PPP2R5C: variants seen among roughly 807,000 people sequenced by gnomAD.
PPP2R5C encodes serine/threonine-protein phosphatase 2A 56 kDa regulatory subunit gamma isoform.
PPP2R5C carries 7 observed loss-of-function variants against 68.9 expected under a neutral mutation model. The observed-to-expected ratio is 0.10, with a 90% CI of 0.06 to 0.19. The LOEUF is 0.19. Among genes scored for constraint, PPP2R5C ranks in the 10% least tolerant of loss-of-function variants. PPP2R5C has a pLI of 1.00. For missense variants in PPP2R5C, 348 were observed against 641.3 expected, an observed-to-expected ratio of 0.54 and a Z score of 4.94; for synonymous variants, 210 against 222.2, an observed-to-expected ratio of 0.95 and a Z score of 0.49.
At chr14:101,818,582 C>G (rs1299953242) in intron 1 of PPP2R5C, 1 of 160,384 alleles carries the variant, frequency 6.2e-6, no homozygotes, top group Non-Finnish European at 1.4e-5. Context: ...TGCAGTGAGC[C>G]GAGATCACGC....
upstream of PPP2R5C, chr14:101,761,796 C>T (rs2036552004): frequency 1.0e-5 from 9 of 898,910 alleles, no homozygotes; most frequent in Non-Finnish European, 1.1e-5. Context: ...GCGGCGGCGG[C>T]GGCGGCCGCG....
At chr14:101,912,495 T>G (rs1445942921) in intron 12 of PPP2R5C, 22 bp downstream of exon 14, 1 of 1,595,750 alleles carries the variant, frequency 6.3e-7, no homozygotes, top group African/African-American at 1.4e-5. Context: ...GAGAATAACA[T>G]GAAAACGCCC....
chr14:101,871,871 T>C lies in PPP2R5C; in HGVS notation c.295-10290T>C, dbSNP rs75164849. Among the ~76,000 whole-genome samples, 1,079 of 152,324 alleles carry C rather than the reference T, an allele frequency of 7.1e-3. 15 individuals are homozygous for C. The highest frequency in any genetic ancestry group is 0.025 in the African/African-American group (1,045 of 41,574). ...ATAACATACTATTTCATATAGAATA[T>C]AAGACATTTACAACAGTATACTTCT... is the stretch of plus-strand genomic sequence containing the variant. On this transcript the variant is annotated intron_variant, in intron 2 of 13. Coordinates refer to ENST00000334743, the Ensembl canonical transcript of PPP2R5C.
At chr14:101,803,369 G>A (rs1036750111) in intron 3 of PPP2R5C, 1 of 152,322 alleles carries the variant, frequency 6.6e-6, no homozygotes, top group East Asian at 1.9e-4. Context: ...TTCATATGCA[G>A]AATGGAACTA....
rs140594071 is a variant in PPP2R5C at position 101,890,921 on chromosome 14, C to T, written c.689+625C>T. On this transcript the variant is annotated intron_variant, in intron 6 of 13. Coordinates refer to ENST00000334743, the Ensembl canonical transcript of PPP2R5C. Reference sequence around the variant, plus strand: ...CCGAGTAGCTGGGACTACAGGTGCCCGCCACCATGCCTGGCTAATTTTTGT... The same window carrying T: ...CCGAGTAGCTGGGACTACAGGTGCCTGCCACCATGCCTGGCTAATTTTTGT... 6.6e-3 allele frequency among the ~76,000 whole-genome samples: 998 copies of T among 151,762 alleles called. 8 individuals are homozygous for T. The highest frequency in any genetic ancestry group is 0.035 in the East Asian group (179 of 5,154).
Position 101,770,248 on chromosome 14 carries a change from T to C in PPP2R5C, c.93+7278T>C, listed in dbSNP as rs569706193. 2.4e-4 allele frequency among the ~76,000 whole-genome samples: 37 copies of C among 152,350 alleles called. No individual in the cohort carries two copies. In the South Asian group the frequency reaches 7.4e-3, roughly 31 times the overall value. Reference sequence around the variant, plus strand: ...TCAGTAGAGCATAGCTACATATATATTTAATATGTTTTATAAGATAGGGTT... The same window carrying C: ...TCAGTAGAGCATAGCTACATATATACTTAATATGTTTTATAAGATAGGGTT... On this transcript the variant is annotated intron_variant, in intron 2 of 14. Transcript: ENST00000328724.
At chr14:101,788,524 T>C (rs2038224850) in intron 3 of PPP2R5C, among the ~76,000 whole-genome samples, 1 of 152,234 alleles carries the variant, frequency 6.6e-6, no homozygotes, top group South Asian at 2.1e-4. Context: ...ACATCTGTTT[T>C]CTATTCTCAA....
At chr14:101,779,711 G>C (rs2037585085) in intron 2 of PPP2R5C, among the ~76,000 whole-genome samples, 2 of 152,132 alleles carry the variant, frequency 1.3e-5, no homozygotes, top group African/African-American at 4.8e-5. Context: ...CGCAGGCAGT[G>C]GGGAGCCACT....
At chr14:101,848,537 CA>C (rs534732392) in intron 1 of PPP2R5C, among the ~76,000 whole-genome samples, 193 of 136,448 alleles carry the variant, frequency 1.4e-3, no homozygotes, top group East Asian at 4.4e-3. Flanking sequence ...GACTCTGTCT[CA>C]AAAAAAAAAA....
Position 101,906,259 on chromosome 14 carries a change from C to A in PPP2R5C, c.1024-143C>A. ...GCTCTTCAGGGTTACAGGTTACAGT[C>A]TAGAATATTTTGAATTTGTAGAAAT... is the stretch of plus-strand genomic sequence containing the variant. On this transcript the variant is annotated intron_variant, in intron 9 of 13. Transcript: ENST00000334743. The surrounding 1 kb of genome is among the most constrained non-coding windows in gnomAD (Gnocchi z 4.0). 1.1e-6 allele frequency: 1 copy of A among 938,822 alleles called. No homozygotes were observed. Among genetic ancestry groups the A allele is most frequent in the Non-Finnish European group, 1.6e-6 (1 of 637,772 alleles). The allele number at this position is 938,822 out of a possible 1,614,324, so 58.2% of individuals were successfully genotyped here.
At chr14:101,887,455 G>A (rs1001301254) in intron 5 of PPP2R5C, among the ~76,000 whole-genome samples, 3 of 152,238 alleles carry the variant, frequency 2.0e-5, no homozygotes, top group African/African-American at 7.2e-5. Flanking sequence ...AGTGGCTTCT[G>A]TCAGCATGGT....
At chr14:101,884,452 C>T (rs1451170410) in intron 5 of PPP2R5C, among the ~76,000 whole-genome samples, 4 of 152,240 alleles carry the variant, frequency 2.6e-5, no homozygotes, top group Admixed American at 1.3e-4. Flanking sequence ...TGCATCACCT[C>T]ATTCTTCCCG....
intron 2 of PPP2R5C, 125 bp downstream of exon 2, chr14:101,763,095 G>C (rs1251088650): frequency 7.8e-6 from 6 of 772,142 alleles, no homozygotes; most frequent in Non-Finnish European, 1.2e-5. Context: ...TTTTTTTGTG[G>C]TGTCTTTTAT....
In PPP2R5C at chr14:101,814,460, C is replaced by A. The variant is rs183954905; in HGVS notation, c.94+4424C>A. On this transcript the variant is annotated intron_variant, in intron 1 of 13. Transcript: ENST00000334743. ...TGGGTATGTTTGTGTAAAGTCTGTA[C>A]ACCTTTTTGTTCCTTAAACACACAC... Among the ~76,000 whole-genome samples, 10 of 152,286 alleles carry A rather than the reference C, an allele frequency of 6.6e-5. 1 individual carries two copies. Among genetic ancestry groups the A allele is most frequent in the Non-Finnish European group, 1.5e-4 (10 of 68,026 alleles).
chr14:101,788,346 T>TA (rs1295778823), intron 3 of PPP2R5C, among the ~76,000 whole-genome samples: 3 of 152,246 alleles, frequency 2.0e-5, no homozygotes, highest in African/African-American at 7.2e-5. Flanking sequence ...GCTGTGTTGA[T>TA]AGATTTTTCT....
intron 2 of PPP2R5C, among the ~76,000 whole-genome samples, chr14:101,779,295 G>C (rs1301484637): frequency 6.6e-6 from 1 of 152,122 alleles, no homozygotes; most frequent in Non-Finnish European, 1.5e-5. Flanking sequence ...CTCTCAACAA[G>C]CTCAGAATCT....
chr14:101,912,514 T>C (rs749547977), intron 12 of PPP2R5C, 41 bp downstream of exon 14: 1 of 1,566,964 alleles, frequency 6.4e-7, no homozygotes, highest in Admixed American at 2.0e-5. Context: ...CCAGGGTTAC[T>C]TGAATGTTTT....
rs542543145 is a variant in PPP2R5C, at chr14:101,888,427, G to A, written c.630-1810G>A. 7.0e-4 allele frequency among the ~76,000 whole-genome samples: 107 copies of A among 152,086 alleles called. No homozygotes were observed. The highest frequency in any genetic ancestry group is 3.4e-3 in the Middle Eastern group (1 of 294). On this transcript the variant is annotated intron_variant, in intron 5 of 13. Coordinates refer to ENST00000334743, the Ensembl canonical transcript of PPP2R5C. The surrounding 1 kb of genome is among the most constrained non-coding windows in gnomAD (Gnocchi z 5.6). ...TGTTTCTTGTCATGGCACCAGTGTC[G>A]TTCCTGTCACCCACGGCACTGAGCT... is the stretch of plus-strand genomic sequence containing the variant.
intron 2 of PPP2R5C, among the ~76,000 whole-genome samples, chr14:101,774,936 C>CA (rs2037340234): frequency 6.6e-6 from 1 of 152,226 alleles, no homozygotes; most frequent in Non-Finnish European, 1.5e-5. Flanking sequence ...AGAGAAGCCA[C>CA]AGACAACAGG....
Sources: gnomAD v4.1 joint callset for allele counts (sites outside exome capture counted in the v4.1 genomes callset) on GRCh38, gnomAD v4.1.1 for gene constraint, Gnocchi (gnomAD v3.1) non-coding constraint, MANE v1.5 for transcripts, NCBI Gene and HGNC (gene_info 2026-07-23, HGNC 2026-07-21) for gene names.